The following TCERG1L variants were observed in gnomAD, a reference collection of about 807,000 sequenced individuals.
TCERG1L encodes the protein transcription elongation regulator 1 like, also known as transcription elongation regulator 1-like protein.
A neutral mutation model predicts 56.3 loss-of-function variants in TCERG1L; 37 were observed. The ratio of observed to expected loss-of-function variants is 0.66; its 90% confidence interval spans 0.51 to 0.87. TCERG1L has a LOEUF of 0.87. Ranked by LOEUF, TCERG1L falls within the 40% of genes least tolerant of loss-of-function variation. TCERG1L has a pLI of 0.00. For synonymous variants in TCERG1L, 324 were observed against 326.3 expected (o/e 0.99, Z 0.08); for missense variants, 799 against 774.2 (o/e 1.03, Z -0.38).
chr10:131,104,411 G>A (rs185112222), intron 9 of TCERG1L, 57 bp from the exon 10 acceptor site: 117 of 1,155,800 alleles, frequency 1.0e-4, no homozygotes, highest in Middle Eastern at 5.8e-4. Flanking sequence ...GCCTGAAGCC[G>A]CCCTGAAATG....
chr10:131,259,762 C>G (rs1319802330), intron 4 of TCERG1L, among the ~76,000 whole-genome samples: 1 of 152,244 alleles, frequency 6.6e-6, no homozygotes, highest in Non-Finnish European at 1.5e-5. Context: ...GTACTCCAAG[C>G]TGTCACAGTG....
chr10:131,206,057 C>T (rs1028300317), intron 4 of TCERG1L, among the ~76,000 whole-genome samples: 2 of 152,196 alleles, frequency 1.3e-5, no homozygotes, highest in East Asian at 3.9e-4. Flanking sequence ...TCTGAAAGGG[C>T]AGGAAAATGG....
intron 5 of TCERG1L, among the ~76,000 whole-genome samples, chr10:131,163,526 G>A (rs563034075): frequency 2.4e-4 from 37 of 152,314 alleles, no homozygotes; most frequent in African/African-American, 8.7e-4. Flanking sequence ...AGGTCTTTGG[G>A]ACAGAAAATC....
At chr10:131,184,131 C>A (rs967854665) in intron 4 of TCERG1L, among the ~76,000 whole-genome samples, 1 of 152,242 alleles carries the variant, frequency 6.6e-6, no homozygotes, top group Admixed American at 6.5e-5. Context: ...CACTCCAACA[C>A]CCCCTTGCCT....
At chr10:131,199,996 T>C (rs1425895513) in intron 4 of TCERG1L, among the ~76,000 whole-genome samples, 1 of 152,174 alleles carries the variant, frequency 6.6e-6, no homozygotes, top group African/African-American at 2.4e-5. Context: ...CTCCTTTCCA[T>C]CTGAAGCCTC....
intron 4 of TCERG1L, among the ~76,000 whole-genome samples, chr10:131,219,186 A>G (rs925984792): frequency 3.9e-5 from 6 of 152,118 alleles, no homozygotes; most frequent in Non-Finnish European, 7.4e-5. Context: ...CCTGGCTGCC[A>G]TCGCCCTTGC....
At chr10:131,178,854 C>A (rs1845140208) in intron 4 of TCERG1L, among the ~76,000 whole-genome samples, 1 of 152,206 alleles carries the variant, frequency 6.6e-6, no homozygotes, top group African/African-American at 2.4e-5. Context: ...AGATGGGACT[C>A]CACTGTACAC....
In TCERG1L at chr10:131,134,531, G is replaced by C. The variant is rs141680288; in HGVS notation, c.1190-83C>G. The C allele has an allele frequency of 5.2e-5, 54 of 1,031,752 alleles. No individual in the cohort carries two copies. In the East Asian group the frequency reaches 1.4e-3, roughly 26 times the overall value. 63.9% of individuals were successfully genotyped at this position (1,031,752 alleles called of 1,614,324 possible). ...ACCACCAGGTGACACTCACTTTCAA[G>C]TAGACTTATCTAGAAATTAAGACAA... On this transcript the variant is annotated intron_variant, in intron 7 of 11. Transcript: ENST00000368642.
chr10:131,275,604 G>C (rs552135418), intron 3 of TCERG1L, among the ~76,000 whole-genome samples: 1 of 152,280 alleles, frequency 6.6e-6, no homozygotes, highest in South Asian at 2.1e-4. Flanking sequence ...GGGGGAAAAG[G>C]CAAGCAGCAG....
chr10:131,199,737 C>T (rs1458185070), intron 4 of TCERG1L, among the ~76,000 whole-genome samples: 6 of 152,216 alleles, frequency 3.9e-5, no homozygotes, highest in Non-Finnish European at 5.9e-5. Flanking sequence ...TACCAGGCAC[C>T]ATCATCACAC....
At chr10:131,178,071 T>G (rs1247805244) in intron 4 of TCERG1L, among the ~76,000 whole-genome samples, 1 of 151,108 alleles carries the variant, frequency 6.6e-6, no homozygotes, top group African/African-American at 2.4e-5. Flanking sequence ...TTCTCAGGAG[T>G]GGGGGGAGCC....
At chr10:131,249,474 A>G (rs932201522) in intron 4 of TCERG1L, among the ~76,000 whole-genome samples, 4 of 152,152 alleles carry the variant, frequency 2.6e-5, no homozygotes. Context: ...CCGGGTCCCC[A>G]GCAGCTGTTT....
At chr10:131,215,011 C>G (rs1190700689) in intron 4 of TCERG1L, among the ~76,000 whole-genome samples, 1 of 152,192 alleles carries the variant, frequency 6.6e-6, no homozygotes, top group Non-Finnish European at 1.5e-5. Flanking sequence ...CAGGGGCACT[C>G]AGAGCTAGGC....
intron 4 of TCERG1L, among the ~76,000 whole-genome samples, chr10:131,210,890 C>A (rs1244764751): frequency 3.3e-5 from 5 of 152,176 alleles, no homozygotes; most frequent in Non-Finnish European, 7.3e-5. Context: ...GGCAAGCCAC[C>A]GAAACAGCAA....
rs979312873 is a variant in TCERG1L, at chr10:131,118,032, C to T, written c.1260-1098G>A. 5.9e-5 allele frequency among the ~76,000 whole-genome samples: 9 copies of T among 152,160 alleles called. No homozygotes were observed. The highest frequency in any genetic ancestry group is 4.6e-4 in the Admixed American group (7 of 15,276). The stretch of plus-strand genomic sequence containing the variant: ...TTCTCCAGGACGGGCAGACTCAACC[C>T]GCGCTGGGTTGGCGCACCCTCACTC... On this transcript the variant is annotated intron_variant, in intron 8 of 11. Coordinates refer to ENST00000368642, the MANE Select transcript of TCERG1L (RefSeq NM_174937.4). The surrounding 1 kb of genome is among the most constrained non-coding windows in gnomAD (Gnocchi z 4.2).
At chr10:131,278,338 C>CTTTTTTT (rs755934156) in intron 3 of TCERG1L, among the ~76,000 whole-genome samples, 8 of 137,066 alleles carry the variant, frequency 5.8e-5, no homozygotes, top group Non-Finnish European at 6.4e-5. Context: ...TTTCTTTTTT[C>CTTTTTTT]TTTTTTTTTT....
intron 4 of TCERG1L, among the ~76,000 whole-genome samples, chr10:131,232,362 G>A (rs1431944998): frequency 6.6e-6 from 1 of 152,220 alleles, no homozygotes; most frequent in African/African-American, 2.4e-5. Flanking sequence ...ACACGCCGGG[G>A]CACTCCCTGG....
intron 9 of TCERG1L, among the ~76,000 whole-genome samples, chr10:131,106,999 G>T (rs1039163002): frequency 7.1e-6 from 1 of 141,288 alleles, no homozygotes; most frequent in African/African-American, 2.9e-5. Context: ...TCAGGGCAAG[G>T]TGGCAACTCT....
intron 3 of TCERG1L, among the ~76,000 whole-genome samples, chr10:131,266,442 G>A (rs1846287017): frequency 1.3e-5 from 2 of 152,192 alleles, no homozygotes; most frequent in Non-Finnish European, 2.9e-5. Context: ...CATGTGACCA[G>A]GTGCGTTGTC....
Sources: gnomAD v4.1 joint callset for allele counts (sites outside exome capture counted in the v4.1 genomes callset) on GRCh38, gnomAD v4.1.1 for gene constraint, Gnocchi (gnomAD v3.1) non-coding constraint, MANE v1.5 for transcripts, NCBI Gene and HGNC (gene_info 2026-07-23, HGNC 2026-07-21) for gene names.